Variants in KCNIP4 observed in about 807,000 individuals in gnomAD.
KCNIP4 encodes Kv channel-interacting protein 4.
In KCNIP4, 12 loss-of-function variants were observed where a neutral mutation model predicts 34.0. The ratio of observed to expected loss-of-function variants is 0.35; its 90% CI spans 0.23 to 0.57. KCNIP4 has a LOEUF of 0.57. Among genes scored for constraint, KCNIP4 ranks in the 20% least tolerant of loss-of-function variants. The pLI, the probability that KCNIP4 is intolerant of heterozygous loss-of-function variation, is 0.83. For synonymous variants in KCNIP4, 124 were observed against 102.2 expected (o/e 1.21, Z -1.29); for missense variants, 238 against 311.7 (o/e 0.76, Z 1.78).
At chr4:20,944,672 G>A (rs900084876) in intron 1 of KCNIP4, among the ~76,000 whole-genome samples, 16 of 152,092 alleles carry the variant, frequency 1.1e-4, no homozygotes, top group Admixed American at 3.9e-4. Context: ...GCTTTGCATC[G>A]GCTTTGGGAA....
intron 1 of KCNIP4, among the ~76,000 whole-genome samples, chr4:21,801,887 T>C (rs1010560366): frequency 6.6e-6 from 1 of 151,192 alleles, no homozygotes; most frequent in Non-Finnish European, 1.5e-5. Flanking sequence ...TTAAGAGCTA[T>C]ACAGAGAGAA....
intron 1 of KCNIP4, among the ~76,000 whole-genome samples, chr4:21,404,178 A>C (rs1211528753): frequency 6.6e-6 from 1 of 152,120 alleles, no homozygotes; most frequent in African/African-American, 2.4e-5. Flanking sequence ...AATAACTCAG[A>C]TATCATCCAA....
At chr4:21,778,233 TTTC>T (rs370047915) in intron 1 of KCNIP4, among the ~76,000 whole-genome samples, 39,493 of 89,334 alleles carry the variant, frequency 0.44, 8,496 homozygotes, top group African/African-American at 0.57. Context: ...CCTTTTTTTT[TTTC>T]TTTTTTTTTT....
chr4:20,739,973 C>A (rs938148303), intron 5 of KCNIP4, among the ~76,000 whole-genome samples: 1 of 151,986 alleles, frequency 6.6e-6, no homozygotes, highest in African/African-American at 2.4e-5. Context: ...CCATTTTGAT[C>A]AAGTGGAAGA....
At chr4:20,796,266 G>A (rs1195548388) in intron 3 of KCNIP4, among the ~76,000 whole-genome samples, 2 of 152,126 alleles carry the variant, frequency 1.3e-5, no homozygotes, top group Non-Finnish European at 2.9e-5. Flanking sequence ...CTTGTCTAAT[G>A]CCACCCAGTT....
intron 1 of KCNIP4, among the ~76,000 whole-genome samples, chr4:21,639,634 C>T (rs185570919): frequency 1.3e-5 from 2 of 152,132 alleles, no homozygotes; most frequent in Admixed American, 1.3e-4. Flanking sequence ...ACTTCTAGGA[C>T]ATTTAATTTA....
In KCNIP4 at chr4:21,244,604, C is replaced by T. The variant is rs530907221; in HGVS notation, c.62-361895G>A. ...GGAAAATGTCTTCCCAGTTGAATTC[C>T]CTAACAAGCTGAGACATAGAATATT... On this transcript the variant is annotated intron_variant, in intron 1 of 8. Transcript: ENST00000382152. 1.2e-4 allele frequency among the ~76,000 whole-genome samples: 18 copies of T among 152,192 alleles called. No homozygotes were observed. In the South Asian group the frequency reaches 3.5e-3, roughly 30 times the overall value.
At chr4:21,303,986 C>A in intron 1 of KCNIP4, 1 of 1,367,988 alleles carries the variant, frequency 7.3e-7, no homozygotes, top group East Asian at 3.8e-5. Context: ...CATTAAACTA[C>A]ATTAAGAAGG....
chr4:21,920,911 G>A (rs574138174), intron 1 of KCNIP4, among the ~76,000 whole-genome samples: 1 of 150,734 alleles, frequency 6.6e-6, no homozygotes, highest in Non-Finnish European at 1.5e-5. Flanking sequence ...AAGCTGTCTA[G>A]TTCTACCTCG....
At chr4:21,734,627 G>T (rs1304725544) in intron 1 of KCNIP4, among the ~76,000 whole-genome samples, 3 of 152,056 alleles carry the variant, frequency 2.0e-5, no homozygotes, top group African/African-American at 7.2e-5. Flanking sequence ...AGATACAATT[G>T]CTATCTTTAA....
chr4:21,597,953 A>C (rs1222475206), intron 1 of KCNIP4, among the ~76,000 whole-genome samples: 1 of 152,152 alleles, frequency 6.6e-6, no homozygotes, highest in Non-Finnish European at 1.5e-5. Flanking sequence ...AGAGAAAAGA[A>C]AAAATGCATT....
intron 1 of KCNIP4, among the ~76,000 whole-genome samples, chr4:21,250,803 A>C (rs1291287432): frequency 6.6e-6 from 1 of 151,798 alleles, no homozygotes; most frequent in Non-Finnish European, 1.5e-5. Context: ...GAAAGGCTGT[A>C]TTTTCTTTTT....
intron 1 of KCNIP4, among the ~76,000 whole-genome samples, chr4:21,683,446 ATTTTTTTTTTTTTTTTTTTTT>A (rs71191533): frequency 7.9e-4 from 37 of 46,616 alleles, no homozygotes; most frequent in South Asian, 3.9e-3. Flanking sequence ...GTGAAGCCAG[ATTTTTTTTTTTTTTTTTTTTT>A]TTTTTTTTTT....
At chr4:21,762,807 T>C in intron 1 of KCNIP4, 1 of 643,308 alleles carries the variant, frequency 1.6e-6, no homozygotes, top group South Asian at 2.0e-5. Flanking sequence ...CTCTTCTTTA[T>C]CTGAATAAAT....
At chr4:20,784,412 G>A (rs1711645600) in intron 3 of KCNIP4, among the ~76,000 whole-genome samples, 1 of 152,124 alleles carries the variant, frequency 6.6e-6, no homozygotes, top group Non-Finnish European at 1.5e-5. Context: ...ACAAGGTTTA[G>A]AATCCTCTTT....
chr4:21,635,151 G>A (rs576388312), intron 1 of KCNIP4, among the ~76,000 whole-genome samples: 1 of 152,118 alleles, frequency 6.6e-6, no homozygotes, highest in Non-Finnish European at 1.5e-5. Context: ...CAACGAGGAG[G>A]TTATGAAATC....
chr4:21,680,454 G>A (rs867071832), intron 1 of KCNIP4, among the ~76,000 whole-genome samples: 3 of 152,160 alleles, frequency 2.0e-5, no homozygotes, highest in Non-Finnish European at 4.4e-5. Context: ...AAATGTTGAT[G>A]TTTTGACTTC....
intron 1 of KCNIP4, among the ~76,000 whole-genome samples, chr4:20,996,364 T>C (rs1280990909): frequency 6.6e-6 from 1 of 152,224 alleles, no homozygotes; most frequent in African/African-American, 2.4e-5. Context: ...ATATTCGGGA[T>C]AACATTCAAA....
chr4:21,256,958 C>T (rs1275089591), intron 1 of KCNIP4, among the ~76,000 whole-genome samples: 1 of 152,126 alleles, frequency 6.6e-6, no homozygotes, highest in African/African-American at 2.4e-5. Context: ...TCCATTTTAC[C>T]TATCAGAATT....
Sources: allele counts gnomAD v4.1 joint callset (sites outside exome capture counted in the v4.1 genomes callset), GRCh38; gene constraint gnomAD v4.1.1; transcripts MANE v1.5; gene names NCBI Gene and HGNC (gene_info 2026-07-23, HGNC 2026-07-21).